The following NCAN variants were observed in gnomAD, a reference collection of about 807,000 sequenced individuals.
NCAN encodes the protein neurocan core protein.
A neutral mutation model predicts 121.8 loss-of-function variants in NCAN; 47 were observed. The ratio of observed to expected loss-of-function variants is 0.39; its 90% CI spans 0.31 to 0.49. The LOEUF (loss-of-function observed/expected upper bound fraction) is 0.49. Among genes scored for constraint, NCAN ranks in the 20% least tolerant of loss-of-function variants. The pLI is 0.92. For missense variants in NCAN, 1,517 were observed against 1,773.4 expected (o/e 0.86, Z 2.60); for synonymous variants, 633 against 702.0 (o/e 0.90, Z 1.55).
chr19:19,221,866 G>T (rs1363395309), intron 3 of NCAN, among the ~76,000 whole-genome samples: 1 of 152,016 alleles, frequency 6.6e-6, no homozygotes, highest in African/African-American at 2.4e-5. Flanking sequence ...ACTTCAGCCT[G>T]GGTGACAGAG....
rs566954593 is a variant in NCAN, at chr19:19,218,210, A to G, written c.74-705A>G. 9.9e-4 allele frequency among the ~76,000 whole-genome samples: 146 copies of G among 148,048 alleles called. 1 individual carries two copies. Among genetic ancestry groups the G allele is most frequent in the African/African-American group, 3.4e-3 (138 of 40,098 alleles). Reference sequence around the variant, plus strand: ...GGAGAATTGCTTGAACTTAGGAGGCAGAGGTTGCAGTGAGCTGAGATCATG... The same window carrying G: ...GGAGAATTGCTTGAACTTAGGAGGCGGAGGTTGCAGTGAGCTGAGATCATG... On this transcript the variant is annotated intron_variant, in intron 2 of 14. Transcript: ENST00000252575.
intron 3 of NCAN, among the ~76,000 whole-genome samples, chr19:19,221,335 C>T (rs781691137): frequency 2.0e-5 from 3 of 151,318 alleles, no homozygotes; most frequent in African/African-American, 4.9e-5. Context: ...GTCAGGAGTT[C>T]GAGACCAGCA....
rs1386663181 is a variant in NCAN at position 19,238,318 on chromosome 19, C to T, written c.3316C>T (p.Arg1106Trp). The T allele has an allele frequency of 2.8e-5, 46 of 1,614,222 alleles. No homozygotes were observed. The highest frequency in any genetic ancestry group is 3.6e-5 in the Non-Finnish European group (42 of 1,180,042). The stretch of plus-strand genomic sequence containing the variant: ...CCACTGTTACCGCTATTTTGCCCAC[C>T]GGAGGGCATGGGAAGATGCCGAGAA... The part of the protein sequence containing the change: ...QGHCYRYFAH[R>W]RAWEDAEKDC... The change falls in exon 11 of 15, where the codon CGG becomes TGG. Residue 1106 changes from arginine to tryptophan, a missense_variant. By Grantham distance (101) the Arg-to-Trp change is moderately radical. Transcript: ENST00000252575.
At position 19,225,318 on chromosome 19, in the gene NCAN, G is replaced by A. The variant is rs1192949108; in HGVS notation, c.1072+48G>A. On this transcript the variant is annotated intron_variant, in intron 6 of 14. Transcript: ENST00000252575. The surrounding 1 kb of genome is among the most constrained non-coding windows in gnomAD (Gnocchi z 4.0). ...GCGCCCCCAGGGCTTTCACTTTGGC[G>A]AAGGCCACGTCCCTGAAAGCCTCGC... is the stretch of plus-strand genomic sequence containing the variant. 2.0e-6 allele frequency: 3 copies of A among 1,468,484 alleles called. No homozygotes were observed. The highest frequency in any genetic ancestry group is 2.6e-5 in the Admixed American group (1 of 38,838). 91.0% of individuals were successfully genotyped at this position (1,468,484 alleles called of 1,614,324 possible).
intron 8 of NCAN, among the ~76,000 whole-genome samples, chr19:19,233,548 G>A (rs1409374307): frequency 1.3e-5 from 2 of 152,180 alleles, no homozygotes; most frequent in African/African-American, 4.8e-5. Context: ...TTCAGTCTGA[G>A]GAAGGACTTT....
At chr19:19,223,337 T>C (rs1355428740) in intron 3 of NCAN, among the ~76,000 whole-genome samples, 1 of 152,164 alleles carries the variant, frequency 6.6e-6, no homozygotes, top group Non-Finnish European at 1.5e-5. Flanking sequence ...ATTTGAATTC[T>C]GGTTCTGTTT....
chr19:19,221,248 A>G (rs778499532), intron 3 of NCAN, among the ~76,000 whole-genome samples: 16 of 151,640 alleles, frequency 1.1e-4, no homozygotes, highest in Admixed American at 2.6e-4. Flanking sequence ...CTCAAAAATA[A>G]TAATAATATG....
Position 19,226,498 on chromosome 19 carries a change from C to T in NCAN, c.1085C>T (p.Thr362Met), listed in dbSNP as rs747844585. 1.1e-5 allele frequency: 17 copies of T among 1,587,192 alleles called. No homozygotes were observed. Among genetic ancestry groups the T allele is most frequent in the African/African-American group, 4.1e-5 (3 of 73,854 alleles). ...DAYCFRAHHP[T>M]SQHGDLETPS... The stretch of plus-strand genomic sequence containing the variant: ...CTTTCTCCCACAGCTCATCACCCCA[C>T]GTCACAACATGGAGACCTAGAGACC... The change falls in exon 7 of 15, where the codon ACG becomes ATG. Residue 362 changes from threonine (T) to methionine (M), a missense_variant. Thr to Met is a moderately conservative substitution (Grantham distance 81). Transcript: ENST00000252575.
chr19:19,246,353 T>C (rs905699515), intron 13 of NCAN, among the ~76,000 whole-genome samples: 1 of 152,130 alleles, frequency 6.6e-6, no homozygotes, highest in African/African-American at 2.4e-5. Flanking sequence ...CTTTTTAAGT[T>C]GGTAAATGTC....
chr19:19,235,047 C>T lies in NCAN; in HGVS notation c.3201C>T (p.Gly1067=). 3.7e-6 allele frequency: 6 copies of T among 1,612,990 alleles called. No homozygotes were observed. Among genetic ancestry groups the T allele is most frequent in the African/African-American group, 1.3e-5 (1 of 75,034 alleles). The part of the protein sequence containing the change: ...NGGTCIDEVN[G]FVCLCLPSYG... ...GCACCTGTATTGATGAGGTCAATGGCTTTGTCTGCCTTTGCCTCCCCAGCT... is the reference window on the plus strand; with the variant it reads ...GCACCTGTATTGATGAGGTCAATGGTTTTGTCTGCCTTTGCCTCCCCAGCT... The change falls in exon 10 of 15, where the codon GGC becomes GGT. Residue 1067 remains glycine, a synonymous_variant. Transcript: ENST00000252575.
Position 19,228,363 on chromosome 19 carries a change from G to A in NCAN, c.2743G>A (p.Val915Met). ...VETQGTSGAS[V>M]PPHQSSPLGK... is the part of the protein sequence containing the mutation. ...GACCCAGGGAACATCAGGAGCTTCA[G>A]TGCCTCCGCATCAGAGCAGTCCCCT... Residue 915 changes from valine (V) to methionine (M), a missense_variant, in exon 8 of 15, where the codon GTG becomes ATG. Physicochemically the swap from Val to Met is conservative, Grantham distance 21 (BLOSUM62 1). Coordinates refer to ENST00000252575, the MANE Select transcript of NCAN (RefSeq NM_004386.3). 6.2e-7 allele frequency: 1 copy of A among 1,613,882 alleles called. No individual in the cohort carries two copies. Among genetic ancestry groups the A allele is most frequent in the East Asian group, 2.2e-5 (1 of 44,886 alleles).
Position 19,227,338 on chromosome 19 carries a change from C to T in NCAN, c.1718C>T (p.Pro573Leu). The T allele has an allele frequency of 6.2e-7, 1 of 1,610,006 alleles. No homozygotes were observed. The highest frequency in any genetic ancestry group is 8.5e-7 in the Non-Finnish European group (1 of 1,178,036). ...TGGCTGTGGCCCCCTACCATGGTCCCACCCAGCATCTCAGGCCACAGCAGG... is the reference window on the plus strand; with the variant it reads ...TGGCTGTGGCCCCCTACCATGGTCCTACCCAGCATCTCAGGCCACAGCAGG... ...EPWLWPPTMV[P>L]PSISGHSRAP... is the part of the protein sequence containing the mutation. Residue 573 changes from proline (P) to leucine (L), a missense_variant, in exon 8 of 15, where the codon CCA becomes CTA. Physicochemically the swap from Pro to Leu is moderately conservative, Grantham distance 98. Transcript: ENST00000252575. This position sits in a 1 kb window ranked among gnomAD's most constrained non-coding sequence, Gnocchi z 4.2.
chr19:19,225,386 C>A lies in NCAN; in HGVS notation c.1072+116C>A. 7.8e-7 allele frequency: 1 copy of A among 1,281,290 alleles called. No homozygotes were observed. Among genetic ancestry groups the A allele is most frequent in the Non-Finnish European group, 1.0e-6 (1 of 979,670 alleles). The allele number at this position is 1,281,290 out of a possible 1,614,324, so 79.4% of individuals were successfully genotyped here. On this transcript the variant is annotated intron_variant, in intron 6 of 14. Transcript: ENST00000252575. The surrounding 1 kb of genome is among the most constrained non-coding windows in gnomAD (Gnocchi z 4.0). The stretch of plus-strand genomic sequence containing the variant: ...ACATGGAAGCTCGCTTTGTGATAAG[C>A]CACATCCCTGGGTGAGGGCCACGCC...
intron 10 of NCAN, among the ~76,000 whole-genome samples, chr19:19,238,010 G>A (rs1159506754): frequency 2.0e-5 from 3 of 152,032 alleles, no homozygotes; most frequent in Non-Finnish European, 2.9e-5. Context: ...GCCATTGCAC[G>A]CCAGCCTGGG....
chr19:19,231,099 G>A lies in NCAN; in HGVS notation c.3019+2460G>A, dbSNP rs573431761. 1.2e-4 allele frequency among the ~76,000 whole-genome samples: 18 copies of A among 152,080 alleles called. No individual in the cohort carries two copies. The East Asian group carries it at 2.7e-3, about 23-fold the overall frequency. ...CAGGCCGACCGCCCCACCCCGTATC[G>A]ATAAAGGCTGACATTTATGGGTTAC... On this transcript the variant is annotated intron_variant, in intron 8 of 14. Coordinates refer to ENST00000252575, the MANE Select transcript of NCAN (RefSeq NM_004386.3).
rs2060946351 is a variant in NCAN at position 19,251,592 on chromosome 19, A to G, written c.*1681A>G. On this transcript the variant is annotated 3_prime_UTR_variant, in exon 15 of 15. Coordinates refer to ENST00000252575, the MANE Select transcript of NCAN (RefSeq NM_004386.3). ...ATCACCAAATCCTTACTCCAAATCC[A>G]GAAGTCAGAGCCAACTCCCATCTTG... The G allele has an allele frequency of 6.6e-6, 1 of 152,210 alleles. No homozygotes were observed. Among genetic ancestry groups the G allele is most frequent in the South Asian group, 2.1e-4 (1 of 4,822 alleles). 9.4% of individuals were successfully genotyped at this position (152,210 alleles called of 1,614,324 possible).
intron 12 of NCAN, among the ~76,000 whole-genome samples, chr19:19,244,455 C>T (rs745433358): frequency 4.0e-5 from 6 of 151,414 alleles, no homozygotes; most frequent in East Asian, 2.0e-4. Flanking sequence ...ACTACAGGCG[C>T]GCACCATCAT....
Position 19,228,550 on chromosome 19 carries a change from G to T in NCAN, c.2930G>T (p.Ser977Ile), listed in dbSNP as rs762433456. The T allele has an allele frequency of 1.9e-6, 3 of 1,613,232 alleles. No homozygotes were observed. In the Admixed American group the frequency reaches 5.0e-5, roughly 27 times the overall value. ...TTCGAACTGGAGGTCCTGGCAGGGA[G>T]CCCGGGTGTAGAGAGCTTCTGGGAG... is the stretch of plus-strand genomic sequence containing the variant. ...EDFELEVLAG[S>I]PGVESFWEEV... Residue 977 changes from serine (S) to isoleucine (I), a missense_variant, in exon 8 of 15, where the codon AGC (serine) becomes ATC (isoleucine). By Grantham distance (142) the Ser-to-Ile change is moderately radical (BLOSUM62 -2). Coordinates refer to ENST00000252575, the MANE Select transcript of NCAN (RefSeq NM_004386.3).
intron 14 of NCAN, among the ~76,000 whole-genome samples, 198 bp from the exon 15 acceptor site, chr19:19,249,568 T>C (rs1168173091): frequency 6.6e-6 from 1 of 152,108 alleles, no homozygotes; most frequent in Admixed American, 6.6e-5. Flanking sequence ...GTTCTCGCTA[T>C]GTTGCCCAAG....
Sources: allele counts gnomAD v4.1 joint callset (sites outside exome capture counted in the v4.1 genomes callset), GRCh38; gene constraint gnomAD v4.1.1; non-coding constraint Gnocchi (gnomAD v3.1); transcripts MANE v1.5; gene names NCBI Gene and HGNC (gene_info 2026-07-23, HGNC 2026-07-21).